The following CASKIN1 variants were observed in gnomAD, a reference collection of about 807,000 sequenced individuals.
CASKIN1 encodes the protein caskin-1.
Under a neutral mutation model 117.5 loss-of-function variants are expected in CASKIN1, and 42 were observed. The ratio of observed to expected loss-of-function variants is 0.36; its 90% CI spans 0.28 to 0.46. CASKIN1 has a LOEUF of 0.46. Ranked by LOEUF, CASKIN1 falls within the 20% of genes least tolerant of loss-of-function variation. The pLI, the probability that CASKIN1 is intolerant of heterozygous loss-of-function variation, is 1.00. For synonymous variants in CASKIN1, 1,148 were observed against 961.7 expected, an observed-to-expected ratio of 1.19 and a Z score of -3.59; for missense variants, 2,083 against 2,077.3, an observed-to-expected ratio of 1.00 and a Z score of -0.05.
chr16:2,194,035 T>C (rs1255167716), intron 1 of CASKIN1, among the ~76,000 whole-genome samples: 1 of 152,076 alleles, frequency 6.6e-6, no homozygotes, highest in Non-Finnish European at 1.5e-5. Flanking sequence ...CCTGTGACTC[T>C]ATGACAGTAA....
Position 2,180,478 on chromosome 16 carries a change from C to T in CASKIN1, c.2890G>A (p.Asp964Asn). Residue 964 changes from aspartate (D) to asparagine (N), a missense_variant, in exon 18 of 20, where the codon GAT (aspartate) becomes AAT (asparagine). Physicochemically the swap from Asp to Asn is conservative, Grantham distance 23. Coordinates refer to ENST00000343516, the MANE Select transcript of CASKIN1 (RefSeq NM_020764.4). The part of the protein sequence containing the change: ...SSALASANLA[D>N]EPVPDAEPED... ...GGCTCGGCGTCAGGCACCGGCTCAT[C>T]CGCCAGGTTGGCACTAGCCAGGGCC... 1.9e-6 allele frequency: 3 copies of T among 1,551,672 alleles called. No homozygotes were observed. The highest frequency in any genetic ancestry group is 2.6e-6 in the Non-Finnish European group (3 of 1,155,130).
rs577518738 is a variant in CASKIN1 at position 2,177,817 on chromosome 16, C to T, written c.*733G>A. On this transcript the variant is annotated 3_prime_UTR_variant, in exon 20 of 20. Coordinates refer to ENST00000343516, the MANE Select transcript of CASKIN1 (RefSeq NM_020764.4). The stretch of plus-strand genomic sequence containing the variant: ...AAGGCACAACCTCGAGTTCTTGGGG[C>T]GCAGAGAACTTAGGAGAGAAGCACG... The T allele has an allele frequency of 8.2e-6, 2 of 243,952 alleles. No individual in the cohort carries two copies. The highest frequency in any genetic ancestry group is 6.2e-5 in the East Asian group (1 of 16,232). The allele number at this position is 243,952 out of a possible 1,614,324, so 15.1% of individuals were successfully genotyped here. A position where few individuals can be genotyped will look rare whatever the true frequency, so the allele number is the denominator to read the frequency against.
chr16:2,196,181 G>A lies in CASKIN1; in HGVS notation c.94+158C>T, dbSNP rs554916314. Among the ~76,000 whole-genome samples, 5 of 151,972 alleles carry A rather than the reference G, an allele frequency of 3.3e-5. No individual in the cohort carries two copies. The South Asian group carries it at 8.3e-4, about 25-fold the overall frequency. On this transcript the variant is annotated intron_variant, in intron 1 of 19. Transcript: ENST00000343516. The surrounding 1 kb of genome is among the most constrained non-coding windows in gnomAD (Gnocchi z 5.7). ...CCCCATCTCCAGTGCTGGGGGCAGC[G>A]GGTGGAGGGCACGGACCAAGGGTCT...
chr16:2,185,248 C>T lies in CASKIN1; in HGVS notation c.1151-49G>A, dbSNP rs1480826278. On this transcript the variant is annotated intron_variant, in intron 11 of 19. Transcript: ENST00000343516. ...GAGGCCAGTGCCGGCCCCTGCCTGGCCCCACGGTGGTGCCTTGTGGAAGTC... is the reference window on the plus strand; with the variant it reads ...GAGGCCAGTGCCGGCCCCTGCCTGGTCCCACGGTGGTGCCTTGTGGAAGTC... 3 of 1,603,666 alleles carry T rather than the reference C, an allele frequency of 1.9e-6. No individual in the cohort carries two copies. In the East Asian group the frequency reaches 6.7e-5, roughly 36 times the overall value.
rs545290440 is a variant in CASKIN1, at chr16:2,178,457, C to G, written c.*93G>C. On this transcript the variant is annotated 3_prime_UTR_variant, in exon 20 of 20. Coordinates refer to ENST00000343516, the MANE Select transcript of CASKIN1 (RefSeq NM_020764.4). Reference sequence around the variant, plus strand: ...GTGCTTCTGCAGGGCCCTGCCCGGCCGCTCGCGCCGCGCCCAGACGCGCCC... The same window carrying G: ...GTGCTTCTGCAGGGCCCTGCCCGGCGGCTCGCGCCGCGCCCAGACGCGCCC... The G allele has an allele frequency of 9.7e-7, 1 of 1,025,664 alleles. No homozygotes were observed. The highest frequency in any genetic ancestry group is 1.3e-6 in the Non-Finnish European group (1 of 750,302). 63.5% of individuals were successfully genotyped at this position (1,025,664 alleles called of 1,614,324 possible).
Position 2,180,362 on chromosome 16 carries a change from C to G in CASKIN1, c.3006G>C (p.Lys1002Asn). The change falls in exon 18 of 20, where the codon AAG becomes AAC. Residue 1002 changes from lysine to asparagine, a missense_variant. Coordinates refer to ENST00000343516, the MANE Select transcript of CASKIN1 (RefSeq NM_020764.4). ...SVDTGSAGSV[K>N]SIAAMLELSS... ...ACAGCTCCAGCATGGCCGCGATGCTCTTCACACTGCCGGCACTACCCGTGT... is the reference window on the plus strand; with the variant it reads ...ACAGCTCCAGCATGGCCGCGATGCTGTTCACACTGCCGGCACTACCCGTGT... 6.3e-7 allele frequency: 1 copy of G among 1,595,724 alleles called. No homozygotes were observed. Among genetic ancestry groups the G allele is most frequent in the Non-Finnish European group, 8.5e-7 (1 of 1,177,442 alleles).
In CASKIN1 at chr16:2,178,159, C is replaced by G. The variant is rs1293561013; in HGVS notation, c.*391G>C. The G allele has an allele frequency of 6.1e-6, 3 of 487,862 alleles. No individual in the cohort carries two copies. Among genetic ancestry groups the G allele is most frequent in the Non-Finnish European group, 7.8e-6 (2 of 255,414 alleles). The allele number at this position is 487,862 out of a possible 1,614,324, so 30.2% of individuals were successfully genotyped here. ...CTGGGGGTGCGGTGGGGCAGGGGGG[C>G]CCTGACCTTGGTCCCCTGTCCCTTG... is the stretch of plus-strand genomic sequence containing the variant. On this transcript the variant is annotated 3_prime_UTR_variant, in exon 20 of 20. Transcript: ENST00000343516.
chr16:2,189,405 C>A lies in CASKIN1; in HGVS notation c.390+14G>T, dbSNP rs762304644. The A allele has an allele frequency of 6.2e-7, 1 of 1,610,492 alleles. No homozygotes were observed. ...TGCCCCGCCCCCGCTGCCCCGCCCC[C>A]GCTCGGGCCTCACCACATCATAGTG... On this transcript the variant is annotated intron_variant, in intron 4 of 19. Transcript: ENST00000343516.
Position 2,189,406 on chromosome 16 carries a change from G to T in CASKIN1, c.390+13C>A. ...GCCCCGCCCCCGCTGCCCCGCCCCC[G>T]CTCGGGCCTCACCACATCATAGTGA... On this transcript the variant is annotated intron_variant, in intron 4 of 19. Coordinates refer to ENST00000343516, the MANE Select transcript of CASKIN1 (RefSeq NM_020764.4). The T allele has an allele frequency of 6.2e-7, 1 of 1,610,366 alleles. No homozygotes were observed.
chr16:2,180,200 G>A lies in CASKIN1; in HGVS notation c.3168C>T (p.Gly1056=), dbSNP rs774444876. 24 of 1,549,696 alleles carry A rather than the reference G, an allele frequency of 1.5e-5. No homozygotes were observed. The highest frequency in any genetic ancestry group is 7.1e-5 in the South Asian group (6 of 84,288). ...SVKHKEAIGP[G]GEVVNRRRTL... is the part of the protein sequence containing the mutation. The stretch of plus-strand genomic sequence containing the variant: ...TGCGGCGCCGGTTCACCACCTCCCC[G>A]CCAGGCCCGATGGCCTCTTTGTGTT... Residue 1056 remains glycine (G), a synonymous_variant, in exon 18 of 20, where the codon GGC becomes GGT. Coordinates refer to ENST00000343516, the MANE Select transcript of CASKIN1 (RefSeq NM_020764.4).
At position 2,192,669 on chromosome 16, in the gene CASKIN1, C is replaced by T. The variant is rs2093204418; in HGVS notation, c.95-2311G>A. Among the ~76,000 whole-genome samples, 3 of 152,170 alleles carry T rather than the reference C, an allele frequency of 2.0e-5. No homozygotes were observed. In the South Asian group the frequency reaches 6.2e-4, roughly 32 times the overall value. ...ACAGGCTGCTCACTCAGCATGCCCT[C>T]CCCATCCGAAGTGACCCTGCCCGCC... On this transcript the variant is annotated intron_variant, in intron 1 of 19. Coordinates refer to ENST00000343516, the MANE Select transcript of CASKIN1 (RefSeq NM_020764.4).
In CASKIN1 at chr16:2,189,014, C is replaced by G; in HGVS notation, c.617+13G>C. ...GACCCTAAGGCTGAGGCCCTCCCTG[C>G]TACCGGCTCTACCTGATGATGTCGA... On this transcript the variant is annotated intron_variant, in intron 6 of 19. Transcript: ENST00000343516. 6.2e-7 allele frequency: 1 copy of G among 1,606,262 alleles called. No individual in the cohort carries two copies.
chr16:2,191,147 C>T (rs958445793), intron 1 of CASKIN1, among the ~76,000 whole-genome samples: 4 of 152,190 alleles, frequency 2.6e-5, no homozygotes, highest in African/African-American at 7.2e-5. Flanking sequence ...CTATCTGGGC[C>T]GTGGTTACAT....
intron 19 of CASKIN1, 21 bp from the exon 20 acceptor site, chr16:2,178,667 G>A: frequency 1.9e-6 from 3 of 1,572,116 alleles, no homozygotes; most frequent in South Asian, 1.1e-5. Flanking sequence ...CGGGGCAAGG[G>A]GCGTGAGTGG....
chr16:2,187,393 G>A lies in CASKIN1; in HGVS notation c.686C>T (p.Ala229Val), dbSNP rs1208842405. 1 of 1,611,814 alleles carries A rather than the reference G, an allele frequency of 6.2e-7. No individual in the cohort carries two copies. The change falls in exon 7 of 20, where the codon GCG becomes GTG. Residue 229 changes from alanine to valine, a missense_variant. Physicochemically the swap from Ala to Val is moderately conservative, Grantham distance 64 (BLOSUM62 0). Coordinates refer to ENST00000343516, the MANE Select transcript of CASKIN1 (RefSeq NM_020764.4). The part of the protein sequence containing the change: ...TKSGTALHEA[A>V]LCGKTEVVRL... ...CACCACCTCTGTCTTTCCGCAGAGC[G>A]CAGCCTCGTGCAGGGCCGTGCCGGA...
chr16:2,190,684 C>T (rs1464860016), intron 1 of CASKIN1, among the ~76,000 whole-genome samples: 2 of 152,226 alleles, frequency 1.3e-5, no homozygotes, highest in African/African-American at 4.8e-5. Flanking sequence ...CATGTGCACG[C>T]ACACCCCTCC....
rs1596685202 is a variant in CASKIN1, at chr16:2,179,850, C to T, written c.3518G>A (p.Gly1173Asp). The T allele has an allele frequency of 6.2e-7, 1 of 1,606,358 alleles. No homozygotes were observed. Among genetic ancestry groups the T allele is most frequent in the Non-Finnish European group, 8.5e-7 (1 of 1,177,506 alleles). Reference protein sequence around the residue: ...PPPPLSVYHNGTGTVRRRPAS... With the variant: ...PPPPLSVYHNDTGTVRRRPAS... ...CGGTCGGCGGCGCACGGTGCCAGTG[C>T]CATTATGGTACACGGACAGTGGCGG... Residue 1173 changes from glycine (G) to aspartate (D), a missense_variant, in exon 18 of 20, where the codon GGC becomes GAC. Transcript: ENST00000343516. The surrounding 1 kb of genome is among the most constrained non-coding windows in gnomAD (Gnocchi z 5.8).
intron 1 of CASKIN1, among the ~76,000 whole-genome samples, chr16:2,195,113 C>T (rs1179443579): frequency 1.3e-5 from 2 of 152,234 alleles, no homozygotes; most frequent in Non-Finnish European, 2.9e-5. Flanking sequence ...CTGCCTCTGC[C>T]CACAAGCTCT....
At position 2,181,398 on chromosome 16, in the gene CASKIN1, A is replaced by G; in HGVS notation, c.1970T>C (p.Leu657Pro). 6.2e-7 allele frequency: 1 copy of G among 1,610,690 alleles called. No individual in the cohort carries two copies. Residue 657 changes from leucine to proline, a missense_variant, in exon 18 of 20, where the codon CTC becomes CCC. Leu to Pro is a moderately conservative substitution (Grantham distance 98). Around this residue, in one of 3 missense-constraint regions of CASKIN1, gnomAD observed 1,818 missense variants for 1,688.9 expected, o/e 1.08. Coordinates refer to ENST00000343516, the MANE Select transcript of CASKIN1 (RefSeq NM_020764.4). ...CATGGCAGCCTGCAGCTCGTCACTG[A>G]GCTCGCTGTCCTGGAAGGTGGTCAT... ...PKMTTFQDSE[L>P]SDELQAAMTG...
Sources: allele counts gnomAD v4.1 joint callset (sites outside exome capture counted in the v4.1 genomes callset), GRCh38; gene constraint gnomAD v4.1.1; regional missense constraint gnomAD v4.1.1; non-coding constraint Gnocchi (gnomAD v3.1); transcripts MANE v1.5; gene names NCBI Gene and HGNC (gene_info 2026-07-23, HGNC 2026-07-21).